SLC35F3: variants seen among roughly 807,000 people sequenced by gnomAD.
SLC35F3 encodes the protein putative thiamine transporter SLC35F3.
SLC35F3 carries 25 observed loss-of-function variants against 49.9 expected under a neutral mutation model. That is an observed-to-expected ratio of 0.50 (90% confidence interval 0.37 to 0.70). The LOEUF (loss-of-function observed/expected upper bound fraction) is 0.70. Among genes scored for constraint, SLC35F3 ranks in the 30% least tolerant of loss-of-function variants. The pLI is 0.00. For missense variants in SLC35F3, 525 were observed against 639.8 expected, an observed-to-expected ratio of 0.82 and a Z score of 1.94; for synonymous variants, 275 against 265.4, an observed-to-expected ratio of 1.04 and a Z score of -0.35.
At chr1:234,279,834 A>G (rs1443067657) in intron 3 of SLC35F3, among the ~76,000 whole-genome samples, 1 of 152,244 alleles carries the variant, frequency 6.6e-6, no homozygotes, top group Non-Finnish European at 1.5e-5. Context: ...TTCTTTTCTC[A>G]GACCTTGGCT....
At chr1:233,944,808 A>G (rs755847827) in intron 2 of SLC35F3, among the ~76,000 whole-genome samples, 8 of 152,172 alleles carry the variant, frequency 5.3e-5, no homozygotes, top group Non-Finnish European at 7.3e-5. Flanking sequence ...ATTGCCAAGA[A>G]GCTTGTAAAA....
At chr1:233,954,905 G>A (rs560702151) in intron 2 of SLC35F3, among the ~76,000 whole-genome samples, 2 of 152,176 alleles carry the variant, frequency 1.3e-5, no homozygotes, top group East Asian at 3.9e-4. Flanking sequence ...GTGCAATGGT[G>A]CGATCTTGGC....
At chr1:234,122,353 C>T (rs1665589027) in intron 2 of SLC35F3, among the ~76,000 whole-genome samples, 1 of 152,146 alleles carries the variant, frequency 6.6e-6, no homozygotes. Flanking sequence ...AACATGCTCA[C>T]CAGAGATGAA....
intron 2 of SLC35F3, among the ~76,000 whole-genome samples, chr1:233,921,289 T>C (rs1165455270): frequency 6.6e-6 from 1 of 152,210 alleles, no homozygotes; most frequent in Non-Finnish European, 1.5e-5. Flanking sequence ...CAGAGATTTC[T>C]TATATCCGCC....
intron 3 of SLC35F3, among the ~76,000 whole-genome samples, chr1:234,263,842 G>A (rs191998894): frequency 3.3e-5 from 5 of 152,298 alleles, no homozygotes; most frequent in Admixed American, 2.6e-4. Context: ...CAGCATGGTG[G>A]CTCACGCTTG....
chr1:234,285,228 C>T (rs1418687236), intron 3 of SLC35F3: 3 of 417,614 alleles, frequency 7.2e-6, no homozygotes, highest in Non-Finnish European at 1.4e-5. Context: ...GGACATTTCA[C>T]TGGGCTTCCC....
chr1:233,989,286 A>G (rs1345975727), intron 2 of SLC35F3, among the ~76,000 whole-genome samples: 1 of 152,244 alleles, frequency 6.6e-6, no homozygotes, highest in Non-Finnish European at 1.5e-5. Flanking sequence ...AATATTTACT[A>G]AGCTTTATAA....
chr1:234,069,289 G>GCT (rs1331370671), intron 2 of SLC35F3, among the ~76,000 whole-genome samples: 16 of 136,814 alleles, frequency 1.2e-4, no homozygotes, highest in African/African-American at 4.4e-4. Context: ...AGGGAGTCTT[G>GCT]CTCTGTCACC....
At position 234,117,966 on chromosome 1, in the gene SLC35F3, A is replaced by G. The variant is rs868815798; in HGVS notation, c.284-113451A>G. On this transcript the variant is annotated intron_variant, in intron 2 of 7. Transcript: ENST00000366618. ...TGTGTGTGTGTGTGTGTGTGTGTGT[A>G]TATATATATAAAACCACAAGAAACT... Among the ~76,000 whole-genome samples the G allele has an allele frequency of 2.3e-4, 27 of 117,250 alleles. 1 individual carries two copies. The highest frequency in any genetic ancestry group is 5.5e-4 in the Admixed American group (6 of 10,864). The allele number at this position is 117,250 out of a possible 152,430, so 76.9% of individuals were successfully genotyped here.
chr1:233,957,105 C>T lies in SLC35F3; in HGVS notation c.283+51347C>T, dbSNP rs1662717610. On this transcript the variant is annotated intron_variant, in intron 2 of 7. Coordinates refer to ENST00000366618, the MANE Select transcript of SLC35F3 (RefSeq NM_173508.4). The surrounding 1 kb of genome is among the most constrained non-coding windows in gnomAD (Gnocchi z 4.0). ...TTTCCTGGTATCCTCTCTCTTACCCCGAAGGTCCAGGACCCTAAGAAACAT... is the reference window on the plus strand; with the variant it reads ...TTTCCTGGTATCCTCTCTCTTACCCTGAAGGTCCAGGACCCTAAGAAACAT... Among the ~76,000 whole-genome samples the T allele has an allele frequency of 1.3e-5, 2 of 152,130 alleles. No individual in the cohort carries two copies. Among genetic ancestry groups the T allele is most frequent in the South Asian group, 2.1e-4 (1 of 4,822 alleles).
chr1:234,121,286 G>A (rs558673420), intron 2 of SLC35F3, among the ~76,000 whole-genome samples: 18 of 151,730 alleles, frequency 1.2e-4, no homozygotes, highest in Middle Eastern at 3.4e-3. Context: ...ACAGGCGCCC[G>A]CCACCACACC....
chr1:234,254,707 T>C (rs184914635), intron 3 of SLC35F3, among the ~76,000 whole-genome samples: 1 of 152,330 alleles, frequency 6.6e-6, no homozygotes, highest in East Asian at 1.9e-4. Context: ...GAGAAAAAAT[T>C]CTCTTAACCA....
Position 234,038,710 on chromosome 1 carries a change from G to A in SLC35F3, c.283+132952G>A, listed in dbSNP as rs190168079. ...GGGAACCATTGAAGGGCTCAAGTAG[G>A]GAACTGATAAGCCAAATTTAAATTT... On this transcript the variant is annotated intron_variant, in intron 2 of 7. Coordinates refer to ENST00000366618, the MANE Select transcript of SLC35F3 (RefSeq NM_173508.4). Among the ~76,000 whole-genome samples, 4 of 152,298 alleles carry A rather than the reference G, an allele frequency of 2.6e-5. No individual in the cohort carries two copies. In the East Asian group the frequency reaches 7.7e-4, roughly 29 times the overall value.
chr1:234,070,709 T>G (rs1429207308), intron 2 of SLC35F3, among the ~76,000 whole-genome samples: 2 of 152,042 alleles, frequency 1.3e-5, no homozygotes, highest in Non-Finnish European at 2.9e-5. Flanking sequence ...TTAGTTAACA[T>G]CTTTTTCTGT....
At chr1:234,224,961 T>C (rs1367422343) in intron 2 of SLC35F3, among the ~76,000 whole-genome samples, 1 of 152,226 alleles carries the variant, frequency 6.6e-6, no homozygotes, top group Non-Finnish European at 1.5e-5. Flanking sequence ...CAATTATCTA[T>C]AGATTATGTT....
intron 2 of SLC35F3, among the ~76,000 whole-genome samples, chr1:233,968,990 G>A (rs976696165): frequency 6.6e-6 from 1 of 150,456 alleles, no homozygotes; most frequent in East Asian, 2.0e-4. Context: ...CAAAGGACAC[G>A]ATTTCAAAGA....
chr1:233,992,461 G>A (rs1470503871), intron 2 of SLC35F3, among the ~76,000 whole-genome samples: 3 of 152,154 alleles, frequency 2.0e-5, no homozygotes, highest in Admixed American at 6.5e-5. Flanking sequence ...CATGTCAAGG[G>A]TGGAAATATT....
intron 2 of SLC35F3, among the ~76,000 whole-genome samples, chr1:233,912,436 C>T (rs1661892899): frequency 1.3e-5 from 2 of 152,100 alleles, no homozygotes; most frequent in South Asian, 4.2e-4. Context: ...GAGATCGTGC[C>T]ACTGCACTCC....
At chr1:233,979,049 A>C (rs1046088705) in intron 2 of SLC35F3, among the ~76,000 whole-genome samples, 3 of 152,162 alleles carry the variant, frequency 2.0e-5, no homozygotes, top group African/African-American at 7.2e-5. Context: ...TTAAAAAAAA[A>C]AAAACAAAAA....
Sources: allele counts gnomAD v4.1 joint callset (sites outside exome capture counted in the v4.1 genomes callset), GRCh38; gene constraint gnomAD v4.1.1; non-coding constraint Gnocchi (gnomAD v3.1); transcripts MANE v1.5; gene names NCBI Gene and HGNC (gene_info 2026-07-23, HGNC 2026-07-21).